Variants in CALCRL observed in about 807,000 individuals in gnomAD.
The protein encoded by CALCRL is calcitonin receptor like receptor.
Under a neutral mutation model 60.4 loss-of-function variants are expected in CALCRL, and 27 were observed. That is an observed-to-expected ratio of 0.45 (90% CI 0.33 to 0.62). The LOEUF (loss-of-function observed/expected upper bound fraction) is 0.62. Ranked by LOEUF, CALCRL falls within the 20% of genes least tolerant of loss-of-function variation. The pLI is 0.03. For missense variants in CALCRL, 424 were observed against 540.7 expected (o/e 0.78, Z 2.14); for synonymous variants, 190 against 182.6 (o/e 1.04, Z -0.33).
intron 1 of CALCRL, among the ~76,000 whole-genome samples, chr2:187,405,757 C>T (rs1689088389): frequency 6.6e-6 from 1 of 151,938 alleles, no homozygotes; most frequent in South Asian, 2.1e-4. Flanking sequence ...ATGCAGACGG[C>T]TGAAACAGTA....
intron 8 of CALCRL, among the ~76,000 whole-genome samples, chr2:187,366,048 C>A (rs993364712): frequency 4.7e-5 from 7 of 150,496 alleles, no homozygotes; most frequent in Non-Finnish European, 8.9e-5. Context: ...TCGAGACCAT[C>A]CTGGCTAACA....
intron 1 of CALCRL, among the ~76,000 whole-genome samples, chr2:187,407,640 TTAA>T (rs1247217875): frequency 1.3e-5 from 2 of 152,070 alleles, no homozygotes; most frequent in Admixed American, 1.3e-4. Context: ...AACTTCAATT[TTAA>T]TAATACAAGA....
chr2:187,425,506 G>A (rs530069060), intron 1 of CALCRL, among the ~76,000 whole-genome samples: 3 of 151,794 alleles, frequency 2.0e-5, no homozygotes, highest in African/African-American at 7.2e-5. Context: ...TGTAATATTA[G>A]GTTGCATTAT....
intron 8 of CALCRL, among the ~76,000 whole-genome samples, chr2:187,364,895 A>T (rs698581): frequency 0.8 from 121,656 of 152,066 alleles, 49,018 homozygotes; most frequent in Middle Eastern, 0.85. Flanking sequence ...CCAACAAATA[A>T]GTGAAATCCA....
intron 1 of CALCRL, among the ~76,000 whole-genome samples, chr2:187,429,766 C>T (rs990784396): frequency 3.3e-5 from 5 of 152,182 alleles, no homozygotes; most frequent in African/African-American, 1.2e-4. Context: ...CTTTGCAATG[C>T]TCTACAAGTT....
chr2:187,348,424 G>A (rs1559035624), intron 14 of CALCRL, among the ~76,000 whole-genome samples: 1 of 151,682 alleles, frequency 6.6e-6, no homozygotes, highest in Non-Finnish European at 1.5e-5. Context: ...TTGAGGGGAA[G>A]TGGCATATAG....
chr2:187,411,919 C>T (rs1387772397), intron 1 of CALCRL, among the ~76,000 whole-genome samples: 2 of 142,084 alleles, frequency 1.4e-5, no homozygotes, highest in Non-Finnish European at 3.0e-5. Flanking sequence ...TGGCGTGAAC[C>T]TGGGAGGCGG....
At chr2:187,356,330 A>G (rs1016321575) in intron 12 of CALCRL, among the ~76,000 whole-genome samples, 1 of 152,214 alleles carries the variant, frequency 6.6e-6, no homozygotes, top group Non-Finnish European at 1.5e-5. Flanking sequence ...TAAACAGAAC[A>G]GAGGCCTTAG....
chr2:187,397,091 A>G (rs2105814858), intron 1 of CALCRL, among the ~76,000 whole-genome samples: 1 of 151,900 alleles, frequency 6.6e-6, no homozygotes, highest in African/African-American at 2.4e-5. Flanking sequence ...AAATAAAATT[A>G]GATAATACAA....
intron 10 of CALCRL, among the ~76,000 whole-genome samples, chr2:187,359,718 A>T (rs918258666): frequency 2.0e-5 from 3 of 152,146 alleles, no homozygotes; most frequent in Non-Finnish European, 4.4e-5. Context: ...TATTTGAAGA[A>T]GAGAAGAAGA....
chr2:187,401,398 C>A (rs1156485949), intron 1 of CALCRL, among the ~76,000 whole-genome samples: 1 of 151,630 alleles, frequency 6.6e-6, no homozygotes, highest in African/African-American at 2.4e-5. Context: ...TACATTATTT[C>A]ATATTCAACA....
At chr2:187,360,973 A>G (rs1687030140) in intron 9 of CALCRL, among the ~76,000 whole-genome samples, 1 of 152,068 alleles carries the variant, frequency 6.6e-6, no homozygotes, top group African/African-American at 2.4e-5. Flanking sequence ...TCTTCCAGAA[A>G]AAAAGTGTAA....
At chr2:187,414,560 A>G (rs1689514078) in intron 1 of CALCRL, among the ~76,000 whole-genome samples, 2 of 152,168 alleles carry the variant, frequency 1.3e-5, no homozygotes, top group Admixed American at 1.3e-4. Context: ...TTTCCATAAT[A>G]TAATAATGCC....
rs190785957 is a variant in CALCRL at position 187,439,118 on chromosome 2, T to C, written c.-293+8921A>G. 2.0e-5 allele frequency among the ~76,000 whole-genome samples: 3 copies of C among 152,254 alleles called. No homozygotes were observed. In the East Asian group the frequency reaches 5.8e-4, roughly 29 times the overall value. Reference sequence around the variant, plus strand: ...CACTTATCTAGGTGCTTCATATATATTAGTGAAATGAAAATCAGGCAGAAA... The same window carrying C: ...CACTTATCTAGGTGCTTCATATATACTAGTGAAATGAAAATCAGGCAGAAA... On this transcript the variant is annotated intron_variant, in intron 1 of 14. Transcript: ENST00000392370.
chr2:187,393,232 G>T (rs1412532865), intron 1 of CALCRL, among the ~76,000 whole-genome samples: 1 of 152,088 alleles, frequency 6.6e-6, no homozygotes, highest in African/African-American at 2.4e-5. Context: ...CTCTGGAACA[G>T]AACCTTTTGG....
At chr2:187,374,781 G>A (rs1461904555) in intron 8 of CALCRL, among the ~76,000 whole-genome samples, 1 of 151,724 alleles carries the variant, frequency 6.6e-6, no homozygotes, top group Non-Finnish European at 1.5e-5. Context: ...ACTCATTGAC[G>A]GGCTCCTAAA....
intron 1 of CALCRL, among the ~76,000 whole-genome samples, chr2:187,406,436 C>T (rs1231704650): frequency 2.0e-5 from 3 of 151,832 alleles, no homozygotes; most frequent in South Asian, 2.1e-4. Flanking sequence ...CTACTAAAAT[C>T]GTCATCATAA....
At chr2:187,435,517 C>T (rs1037656324) in intron 1 of CALCRL, among the ~76,000 whole-genome samples, 1 of 152,114 alleles carries the variant, frequency 6.6e-6, no homozygotes, top group Non-Finnish European at 1.5e-5. Flanking sequence ...AGAGGACAAA[C>T]ATCCAAACTA....
At position 187,359,210 on chromosome 2, in the gene CALCRL, A is replaced by T; in HGVS notation, c.842+2T>A. ...AGAAATAATAAAAAGAGATTTTCTT[A>T]CTTGTCATTGTAATATAAGCTTCTA... On this transcript the variant is annotated splice_donor_variant, in intron 11 of 14. Coordinates refer to ENST00000392370, the MANE Select transcript of CALCRL (RefSeq NM_005795.6). LOFTEE classifies it high-confidence loss of function. 2 of 1,594,216 alleles carry T rather than the reference A, an allele frequency of 1.3e-6. No homozygotes were observed. The highest frequency in any genetic ancestry group is 1.7e-6 in the Non-Finnish European group (2 of 1,167,916).
Sources: gnomAD v4.1 joint callset for allele counts (sites outside exome capture counted in the v4.1 genomes callset) on GRCh38, gnomAD v4.1.1 for gene constraint, MANE v1.5 for transcripts, NCBI Gene and HGNC (gene_info 2026-07-23, HGNC 2026-07-21) for gene names.